DCC: variants seen among roughly 807,000 people sequenced by gnomAD.
DCC encodes the protein netrin receptor DCC.
DCC carries 58 observed loss-of-function variants against 172.5 expected under a neutral mutation model. The observed-to-expected ratio is 0.34, with a 90% CI of 0.27 to 0.42. DCC has a LOEUF of 0.42. DCC is among the 10% of genes least tolerant of loss of function. The probability of loss-of-function intolerance (pLI) is 1.00; values close to 1 mark genes in which losing one functional copy is unlikely to be tolerated. For synonymous variants in DCC, 709 were observed against 644.5 expected, an observed-to-expected ratio of 1.10 and a Z score of -1.52; for missense variants, 1,740 against 1,791.0, an observed-to-expected ratio of 0.97 and a Z score of 0.51.
At chr18:53,026,620 A>G (rs1334042580) in intron 5 of DCC, among the ~76,000 whole-genome samples, 3 of 152,098 alleles carry the variant, frequency 2.0e-5, no homozygotes, top group Admixed American at 6.6e-5. Context: ...CAGTGGTGCA[A>G]TCATAGCTCT....
intron 14 of DCC, among the ~76,000 whole-genome samples, chr18:53,339,157 CTTCT>C (rs1232055623): frequency 1.3e-5 from 2 of 152,156 alleles, no homozygotes; most frequent in African/African-American, 4.8e-5. Context: ...AGGCCACTGT[CTTCT>C]TTCTTTTAAT....
intron 1 of DCC, among the ~76,000 whole-genome samples, chr18:52,428,679 A>G (rs774903201): frequency 1.3e-5 from 2 of 152,118 alleles, no homozygotes; most frequent in African/African-American, 4.8e-5. Context: ...GGTACTAGGC[A>G]TTTTGTGTGA....
rs779518696 is a variant in DCC at position 52,373,887 on chromosome 18, C to CTTTT, written c.91+33009_91+33010insTTTT. ...ATCAATGAAGCATATTTGGTTGCAT[C>CTTTT]ATTTTTTTTTTTTTTTTTTTTTTGA... is the stretch of plus-strand genomic sequence containing the variant. On this transcript the variant is annotated intron_variant, in intron 1 of 28. Transcript: ENST00000442544. Among the ~76,000 whole-genome samples, 1,015 of 140,864 alleles carry CTTTT rather than the reference C, an allele frequency of 7.2e-3. 19 individuals are homozygous for CTTTT. Among genetic ancestry groups the CTTTT allele is most frequent in the African/African-American group, 9.0e-3 (338 of 37,756 alleles). The allele number at this position is 140,864 out of a possible 152,430, so 92.4% of individuals were successfully genotyped here. A position where few individuals can be genotyped will look rare whatever the true frequency, so the allele number is the denominator to read the frequency against.
chr18:52,389,904 G>A lies in DCC; in HGVS notation c.91+49026G>A, dbSNP rs371538471. Among the ~76,000 whole-genome samples the A allele has an allele frequency of 7.9e-5, 12 of 152,154 alleles. 1 individual carries two copies. Among genetic ancestry groups the A allele is most frequent in the Admixed American group, 2.6e-4 (4 of 15,262 alleles). On this transcript the variant is annotated intron_variant, in intron 1 of 28. Coordinates refer to ENST00000442544, the MANE Select transcript of DCC (RefSeq NM_005215.4). ...ATAAAAACAAACACTTTCTTGTATTGAGAAACTATTAAGTACTAACCTTTC... is the reference window on the plus strand; with the variant it reads ...ATAAAAACAAACACTTTCTTGTATTAAGAAACTATTAAGTACTAACCTTTC...
At chr18:53,319,460 G>T (rs1346914) in intron 13 of DCC, among the ~76,000 whole-genome samples, 45,316 of 151,908 alleles carry the variant, frequency 0.3, 8,639 homozygotes, top group Non-Finnish European at 0.44. Context: ...AAAAGCAGGG[G>T]TTGCAATCCT....
intron 5 of DCC, among the ~76,000 whole-genome samples, chr18:53,020,438 A>G (rs2041864092): frequency 6.6e-6 from 1 of 152,228 alleles, no homozygotes; most frequent in African/African-American, 2.4e-5. Flanking sequence ...GTTCATAAAA[A>G]TGTCACTGTT....
chr18:52,412,407 C>A (rs897712803), intron 1 of DCC, among the ~76,000 whole-genome samples: 1 of 151,824 alleles, frequency 6.6e-6, no homozygotes, highest in African/African-American at 2.4e-5. Context: ...TTTTAAAAAG[C>A]AATATATACT....
At chr18:52,535,740 G>A (rs547242969) in intron 1 of DCC, among the ~76,000 whole-genome samples, 9 of 152,226 alleles carry the variant, frequency 5.9e-5, no homozygotes, top group East Asian at 1.9e-4. Flanking sequence ...AATATATTCT[G>A]AGAAAACTGA....
intron 1 of DCC, among the ~76,000 whole-genome samples, chr18:52,656,869 G>GA (rs980408819): frequency 1.3e-5 from 2 of 151,770 alleles, no homozygotes; most frequent in South Asian, 4.2e-4. Flanking sequence ...CTTACTGCTA[G>GA]AAAAAAAAGT....
chr18:53,527,498 T>G (rs1393556161), intron 28 of DCC, among the ~76,000 whole-genome samples: 5 of 151,680 alleles, frequency 3.3e-5, no homozygotes, highest in Non-Finnish European at 5.9e-5. Flanking sequence ...GAAATATAGA[T>G]TTGTGAAGGA....
chr18:52,458,085 A>T (rs564838722), intron 1 of DCC, among the ~76,000 whole-genome samples: 47 of 152,314 alleles, frequency 3.1e-4, no homozygotes, highest in African/African-American at 1.1e-3. Flanking sequence ...CAGCACTGGC[A>T]CACAGAAGCC....
intron 17 of DCC, among the ~76,000 whole-genome samples, chr18:53,397,067 A>G (rs1056359256): frequency 5.3e-5 from 8 of 151,522 alleles, no homozygotes; most frequent in East Asian, 1.9e-4. Flanking sequence ...AAAATTTTCT[A>G]TCTAGTAGCC....
chr18:52,426,682 C>G (rs556685840), intron 1 of DCC, among the ~76,000 whole-genome samples: 39 of 151,864 alleles, frequency 2.6e-4, no homozygotes, highest in Non-Finnish European at 5.1e-4. Flanking sequence ...TTTAGTTAGT[C>G]TTTGTAGAGG....
At chr18:53,417,026 T>C (rs1463569688) in intron 21 of DCC, among the ~76,000 whole-genome samples, 1 of 152,166 alleles carries the variant, frequency 6.6e-6, no homozygotes, top group African/African-American at 2.4e-5. Flanking sequence ...ATTTGTAGAT[T>C]GAGAGTCTGC....
At chr18:53,243,665 T>C (rs1408246634) in intron 12 of DCC, among the ~76,000 whole-genome samples, 1 of 152,184 alleles carries the variant, frequency 6.6e-6, no homozygotes, top group East Asian at 1.9e-4. Flanking sequence ...TTAATGCTGC[T>C]GAACGCTTGG....
intron 1 of DCC, among the ~76,000 whole-genome samples, chr18:52,475,464 A>T (rs1221884820): frequency 6.6e-6 from 1 of 152,222 alleles, no homozygotes; most frequent in East Asian, 1.9e-4. Flanking sequence ...AATTACTTTT[A>T]TGCTTGAAAC....
At chr18:53,151,935 G>A (rs2054647616) in intron 7 of DCC, among the ~76,000 whole-genome samples, 1 of 151,654 alleles carries the variant, frequency 6.6e-6, no homozygotes, top group Non-Finnish European at 1.5e-5. Flanking sequence ...TATCATTTAG[G>A]TTTATCCACT....
At chr18:52,985,254 A>C (rs1322770934) in intron 5 of DCC, among the ~76,000 whole-genome samples, 1 of 152,040 alleles carries the variant, frequency 6.6e-6, no homozygotes, top group African/African-American at 2.4e-5. Context: ...TTTGATATTC[A>C]TAAGCAATGT....
At chr18:52,763,637 C>A (rs778523512) in intron 2 of DCC, among the ~76,000 whole-genome samples, 6 of 152,148 alleles carry the variant, frequency 3.9e-5, no homozygotes, top group Non-Finnish European at 7.3e-5. Flanking sequence ...AGTTTATATA[C>A]CATAACATTT....
Sources: allele counts gnomAD v4.1 joint callset (sites outside exome capture counted in the v4.1 genomes callset), GRCh38; gene constraint gnomAD v4.1.1; transcripts MANE v1.5; gene names NCBI Gene and HGNC (gene_info 2026-07-23, HGNC 2026-07-21).